The following PRKN variants were observed in gnomAD, a reference collection of about 807,000 sequenced individuals.
PRKN encodes E3 ubiquitin-protein ligase parkin.
In PRKN, 56 loss-of-function variants were observed where a neutral mutation model predicts 59.5. The observed-to-expected ratio is 0.94, with a 90% CI of 0.76 to 1.18. PRKN has a LOEUF of 1.18. PRKN is among the 50% of genes most tolerant of loss of function. The probability of loss-of-function intolerance (pLI) is 0.00; values close to 1 mark genes in which losing one functional copy is unlikely to be tolerated. For missense variants in PRKN, 657 were observed against 596.4 expected, an observed-to-expected ratio of 1.10 and a Z score of -1.06; for synonymous variants, 250 against 222.1, an observed-to-expected ratio of 1.13 and a Z score of -1.12.
intron 7 of PRKN, among the ~76,000 whole-genome samples, chr6:161,618,944 C>T (rs1257748098): frequency 6.6e-6 from 1 of 152,134 alleles, no homozygotes; most frequent in Non-Finnish European, 1.5e-5. Flanking sequence ...TCGCATTCAT[C>T]TTCATTCTTG....
intron 2 of PRKN, among the ~76,000 whole-genome samples, chr6:162,357,152 C>A (rs903019142): frequency 6.6e-6 from 1 of 152,036 alleles, no homozygotes; most frequent in Admixed American, 6.6e-5. Flanking sequence ...AAGACTTCTG[C>A]TCTGCAAAAG....
At chr6:162,098,341 G>C (rs904064468) in intron 4 of PRKN, among the ~76,000 whole-genome samples, 6 of 152,172 alleles carry the variant, frequency 3.9e-5, no homozygotes, top group Admixed American at 3.3e-4. Flanking sequence ...GGCATACCAT[G>C]AGCAAAGTGA....
At chr6:162,349,327 G>T (rs555178287) in intron 2 of PRKN, among the ~76,000 whole-genome samples, 1 of 152,066 alleles carries the variant, frequency 6.6e-6, no homozygotes, top group East Asian at 1.9e-4. Context: ...TTAGCCAGGC[G>T]TGTTGGCATG....
chr6:162,047,494 C>A (rs549798191), intron 5 of PRKN, among the ~76,000 whole-genome samples: 5 of 151,850 alleles, frequency 3.3e-5, no homozygotes, highest in Non-Finnish European at 5.9e-5. Flanking sequence ...AATCCAAGAG[C>A]ATTTCTTAAA....
chr6:162,067,372 T>C (rs982868698), intron 4 of PRKN, among the ~76,000 whole-genome samples: 7 of 152,210 alleles, frequency 4.6e-5, no homozygotes, highest in Admixed American at 1.3e-4. Context: ...CAATATTCTA[T>C]GATCTAAGAA....
At chr6:162,419,401 C>T (rs771082926) in intron 2 of PRKN, among the ~76,000 whole-genome samples, 2 of 152,106 alleles carry the variant, frequency 1.3e-5, no homozygotes, top group Admixed American at 6.5e-5. Context: ...CTTAAGAAGA[C>T]GTTTACATGC....
At chr6:161,762,485 T>C (rs541193863) in intron 7 of PRKN, among the ~76,000 whole-genome samples, 1 of 152,378 alleles carries the variant, frequency 6.6e-6, no homozygotes, top group East Asian at 1.9e-4. Flanking sequence ...GACTACTTGA[T>C]GTCAGGCTGT....
At chr6:161,818,420 A>T (rs896882609) in intron 6 of PRKN, among the ~76,000 whole-genome samples, 7 of 151,700 alleles carry the variant, frequency 4.6e-5, no homozygotes, top group Non-Finnish European at 1.0e-4. Context: ...CTGCTGCCTC[A>T]ACCTCCCATG....
intron 9 of PRKN, among the ~76,000 whole-genome samples, chr6:161,427,065 T>C (rs1422960231): frequency 6.6e-6 from 1 of 151,552 alleles, no homozygotes; most frequent in African/African-American, 2.4e-5. Flanking sequence ...GTCCACCATG[T>C]GGGAGTGCAG....
chr6:161,359,337 A>C lies in PRKN; in HGVS notation c.1285+751T>G, dbSNP rs189851530. 5.7e-3 allele frequency among the ~76,000 whole-genome samples: 872 copies of C among 152,332 alleles called. 22 individuals are homozygous for C. In the South Asian group the frequency reaches 0.079, roughly 14 times the overall value. On this transcript the variant is annotated intron_variant, in intron 11 of 11. Transcript: ENST00000366898. This position sits in a 1 kb window ranked among gnomAD's most constrained non-coding sequence, Gnocchi z 5.4. Reference sequence around the variant, plus strand: ...ACATAACTGAAAAGAGAGAGGCTTGAGTGCCCATCCTGGGATGGCCGGGCT... The same window carrying C: ...ACATAACTGAAAAGAGAGAGGCTTGCGTGCCCATCCTGGGATGGCCGGGCT...
chr6:161,666,308 C>T (rs1183786231), intron 7 of PRKN, among the ~76,000 whole-genome samples: 1 of 152,162 alleles, frequency 6.6e-6, no homozygotes, highest in East Asian at 1.9e-4. Flanking sequence ...GGTGGCATTA[C>T]CTTCTCATAG....
chr6:161,795,481 G>A (rs1228471481), intron 6 of PRKN, among the ~76,000 whole-genome samples: 7 of 152,120 alleles, frequency 4.6e-5, no homozygotes, highest in Non-Finnish European at 8.8e-5. Context: ...TGATCCGCCC[G>A]CCTCAGCCTC....
rs562142728 is a variant in PRKN, at chr6:161,848,472, G to A, written c.735-62564C>T. 7.2e-5 allele frequency among the ~76,000 whole-genome samples: 11 copies of A among 152,162 alleles called. No individual in the cohort carries two copies. In the South Asian group the frequency reaches 8.3e-4, roughly 11 times the overall value. ...TTTAAATTTTATGAGTTTAACATGC[G>A]TGATATATAAATCACAGTCAAACAT... is the stretch of plus-strand genomic sequence containing the variant. On this transcript the variant is annotated intron_variant, in intron 6 of 11. Transcript: ENST00000366898.
At position 161,411,096 on chromosome 6, in the gene PRKN, G is replaced by A. The variant is rs569959723; in HGVS notation, c.1084-24219C>T. Among the ~76,000 whole-genome samples, 4 of 152,226 alleles carry A rather than the reference G, an allele frequency of 2.6e-5. No individual in the cohort carries two copies. In the South Asian group the frequency reaches 6.2e-4, roughly 24 times the overall value. ...GCCTCTGGGATGCTGGCAAACTCTA[G>A]TTTCACTGTGAGGCAGGATTTAGGG... On this transcript the variant is annotated intron_variant, in intron 9 of 11. Coordinates refer to ENST00000366898, the MANE Select transcript of PRKN (RefSeq NM_004562.3).
chr6:162,023,681 G>C (rs956774630), intron 5 of PRKN, among the ~76,000 whole-genome samples: 5 of 152,080 alleles, frequency 3.3e-5, no homozygotes, highest in Non-Finnish European at 7.4e-5. Context: ...ACCCAGGATG[G>C]GGGTGTGGCG....
intron 6 of PRKN, among the ~76,000 whole-genome samples, chr6:161,916,094 C>T (rs1030035765): frequency 1.3e-5 from 2 of 152,180 alleles, no homozygotes; most frequent in African/African-American, 4.8e-5. Context: ...CCAGCTCAAA[C>T]ACTTGTCCAC....
At chr6:162,425,138 G>A (rs928135822) in intron 2 of PRKN, among the ~76,000 whole-genome samples, 1 of 151,916 alleles carries the variant, frequency 6.6e-6, no homozygotes, top group Non-Finnish European at 1.5e-5. Context: ...ACATTTGATG[G>A]TTTGTAATCA....
chr6:161,678,216 CTTTTTTTTTTTTTTTT>C (rs3066554), intron 7 of PRKN, among the ~76,000 whole-genome samples: 23 of 64,950 alleles, frequency 3.5e-4, no homozygotes, highest in Admixed American at 8.4e-4. Context: ...TACTGAATCA[CTTTTTTTTTTTTTTTT>C]TTTTTTTTTT....
chr6:162,727,338 A>C, intron 1 of PRKN: 6 of 378,482 alleles, frequency 1.6e-5, no homozygotes, highest in Non-Finnish European at 2.8e-5. Context: ...CGGCGGGGAG[A>C]AGGCTTCGGG....
Sources: allele counts gnomAD v4.1 joint callset (sites outside exome capture counted in the v4.1 genomes callset), GRCh38; gene constraint gnomAD v4.1.1; non-coding constraint Gnocchi (gnomAD v3.1); transcripts MANE v1.5; gene names NCBI Gene and HGNC (gene_info 2026-07-23, HGNC 2026-07-21).